The following AHCY variants were observed in gnomAD, a reference collection of about 807,000 sequenced individuals.
The protein encoded by AHCY is adenosylhomocysteinase.
Under a neutral mutation model 45.4 loss-of-function variants are expected in AHCY, and 24 were observed. The ratio of observed to expected loss-of-function variants is 0.53; its 90% CI spans 0.38 to 0.74. The LOEUF (loss-of-function observed/expected upper bound fraction) is 0.74. Ranked by LOEUF, AHCY falls within the 30% of genes least tolerant of loss-of-function variation. The probability of loss-of-function intolerance (pLI) is 0.00; values close to 1 mark genes in which losing one functional copy is unlikely to be tolerated. For synonymous variants in AHCY, 245 were observed against 235.1 expected (o/e 1.04, Z -0.39); for missense variants, 449 against 594.1 (o/e 0.76, Z 2.54).
intron 8 of AHCY, chr20:34,285,968 G>C: frequency 3.0e-6 from 1 of 336,562 alleles, no homozygotes; most frequent in South Asian, 2.5e-5. Context: ...AGCCGGGCGT[G>C]GTAGCAGGCG....
At chr20:34,249,693 C>T in the AHCY span, among the ~76,000 whole-genome samples, 4 of 152,142 alleles carry the variant, frequency 2.6e-5, no homozygotes, top group African/African-American at 7.2e-5. Flanking sequence ...AACACTTCCC[C>T]CTCCTCCTTT....
downstream of AHCY, among the ~76,000 whole-genome samples, chr20:34,279,081 C>T (rs2035938263): frequency 8.9e-6 from 1 of 112,422 alleles, no homozygotes; most frequent in Non-Finnish European, 1.7e-5. Context: ...TGCACTCTAG[C>T]CTGGGCGACG....
downstream of AHCY, among the ~76,000 whole-genome samples, chr20:34,277,710 G>A (rs375511336): frequency 2.1e-5 from 3 of 140,562 alleles, no homozygotes; most frequent in Non-Finnish European, 4.5e-5. Context: ...AGCCGAGATC[G>A]CGCCACTGCA....
At position 34,290,341 on chromosome 20, in the gene AHCY, G is replaced by A. The variant is rs1471342033; in HGVS notation, c.963C>T (p.Ile321=). Residue 321 remains isoleucine, a synonymous_variant, in exon 8 of 10, where the codon ATC becomes ATT. Transcript: ENST00000217426. This position sits in a 1 kb window ranked among gnomAD's most constrained non-coding sequence, Gnocchi z 4.5. Reference sequence around the variant, plus strand: ...GGCGGGAGCTTCTCACCTGCGGCTTGATGTTCACCTTCTCCACGGCGTTCT... The same window carrying A: ...GGCGGGAGCTTCTCACCTGCGGCTTAATGTTCACCTTCTCCACGGCGTTCT... ...LNENAVEKVN[I]KPQVDRYRLK... 6.2e-7 allele frequency: 1 copy of A among 1,614,062 alleles called. No homozygotes were observed. The highest frequency in any genetic ancestry group is 8.5e-7 in the Non-Finnish European group (1 of 1,180,030).
the AHCY span, among the ~76,000 whole-genome samples, chr20:34,245,533 G>A: frequency 9.2e-5 from 14 of 151,390 alleles, no homozygotes; most frequent in African/African-American, 3.4e-4. Context: ...GACTACAGGT[G>A]TGCGCCACCA....
chr20:34,286,783 A>T (rs927707896), intron 8 of AHCY, among the ~76,000 whole-genome samples: 1 of 147,904 alleles, frequency 6.8e-6, no homozygotes, highest in Non-Finnish European at 1.5e-5. Flanking sequence ...GTGGTGAGCC[A>T]AGATCGCGCC....
At chr20:34,259,578 T>C in the AHCY span, among the ~76,000 whole-genome samples, 1 of 151,788 alleles carries the variant, frequency 6.6e-6, no homozygotes, top group Admixed American at 6.6e-5. Context: ...AAATCCTGTC[T>C]CTACAAAAAA....
downstream of AHCY, among the ~76,000 whole-genome samples, chr20:34,277,539 A>G (rs2035918753): frequency 6.6e-6 from 1 of 152,006 alleles, no homozygotes; most frequent in East Asian, 1.9e-4. Context: ...AGGCCAAAGC[A>G]GGCAGATCAC....
At chr20:34,278,375 G>T (rs819175), downstream of AHCY, among the ~76,000 whole-genome samples, 3 of 152,020 alleles carry the variant, frequency 2.0e-5, no homozygotes, top group South Asian at 2.1e-4. Context: ...CCCACATCCA[G>T]GAGGAGACAC....
At chr20:34,297,688 T>A (rs932123999) in intron 1 of AHCY, among the ~76,000 whole-genome samples, 2 of 152,132 alleles carry the variant, frequency 1.3e-5, no homozygotes, top group Non-Finnish European at 2.9e-5. Flanking sequence ...CATTTTCTAC[T>A]CTCCTCAACC....
chr20:34,276,893 A>G (rs1202330126), downstream of AHCY, among the ~76,000 whole-genome samples: 1 of 152,052 alleles, frequency 6.6e-6, no homozygotes, highest in Non-Finnish European at 1.5e-5. Flanking sequence ...CAGGTTTCCT[A>G]GCTCGGTCCC....
intron 2 of AHCY, 66 bp downstream of exon 2, chr20:34,295,329 C>T (rs759923774): frequency 7.5e-6 from 12 of 1,592,082 alleles, no homozygotes; most frequent in South Asian, 3.4e-5. Context: ...CTGGCACAGT[C>T]GTCTTCTTCC....
rs1187862124 is a variant in AHCY, at chr20:34,290,449, C to G, written c.855G>C (p.Arg285=). The part of the protein sequence containing the change: ...TTGCIDIILG[R]HFEQMKDDAI... Reference sequence around the variant, plus strand: ...CATCATCCTTCATCTGCTCAAAGTGCCTGTCAGGCAGCCCAAGACCGTGGG... The same window carrying G: ...CATCATCCTTCATCTGCTCAAAGTGGCTGTCAGGCAGCCCAAGACCGTGGG... The change falls in exon 8 of 10, where the codon CGG becomes CGC. Residue 285 remains arginine, a splice_region_variant and synonymous_variant. Coordinates refer to ENST00000217426, the MANE Select transcript of AHCY (RefSeq NM_000687.4). This position sits in a 1 kb window ranked among gnomAD's most constrained non-coding sequence, Gnocchi z 4.5. The G allele has an allele frequency of 4.3e-6, 7 of 1,614,006 alleles. No individual in the cohort carries two copies. The highest frequency in any genetic ancestry group is 2.7e-5 in the African/African-American group (2 of 74,932).
the AHCY span, chr20:34,246,598 A>G: frequency 1.4e-6 from 1 of 690,224 alleles, no homozygotes; most frequent in East Asian, 2.8e-5. Flanking sequence ...CTAGGACCAC[A>G]GGCACATGCC....
chr20:34,285,897 G>A (rs963233501), intron 8 of AHCY: 8 of 460,458 alleles, frequency 1.7e-5, no homozygotes, highest in African/African-American at 8.0e-5. Context: ...TCAGGAGATC[G>A]AGATTATCTT....
At chr20:34,254,064 T>TGTTTC in the AHCY span, among the ~76,000 whole-genome samples, 1 of 151,928 alleles carries the variant, frequency 6.6e-6, no homozygotes, top group African/African-American at 2.4e-5. Context: ...TGTTTTGTTT[T>TGTTTC]GTTTCGTTTT....
rs184533906 is a variant in AHCY at position 34,280,321 on chromosome 20, T to C, written c.*713A>G. ...ACCTTCCTGCTTTCTTTTAACATTA[T>C]AGGCCAAATTATTCTCTTTTTGACC... On this transcript the variant is annotated 3_prime_UTR_variant, in exon 10 of 10. Transcript: ENST00000217426. 6.6e-6 allele frequency: 1 copy of C among 152,410 alleles called. No homozygotes were observed. Among genetic ancestry groups the C allele is most frequent in the East Asian group, 1.9e-4 (1 of 5,186 alleles). The allele number at this position is 152,410 out of a possible 1,614,324, so 9.4% of individuals were successfully genotyped here. A position where few individuals can be genotyped will look rare whatever the true frequency, so the allele number is the denominator to read the frequency against.
the AHCY span, among the ~76,000 whole-genome samples, chr20:34,236,703 C>T: frequency 5.3e-5 from 8 of 152,216 alleles, no homozygotes; most frequent in Non-Finnish European, 7.4e-5. Context: ...AATCATTATG[C>T]ATTATATAAT....
At chr20:34,249,328 C>T in the AHCY span, among the ~76,000 whole-genome samples, 2 of 149,804 alleles carry the variant, frequency 1.3e-5, no homozygotes, top group South Asian at 2.2e-4. Flanking sequence ...CCTATCTCCT[C>T]GCCTCCACTG....
Sources: allele counts gnomAD v4.1 joint callset (sites outside exome capture counted in the v4.1 genomes callset), GRCh38; gene constraint gnomAD v4.1.1; non-coding constraint Gnocchi (gnomAD v3.1); transcripts MANE v1.5; gene names NCBI Gene and HGNC (gene_info 2026-07-23, HGNC 2026-07-21).